PTPRD: variants seen among roughly 807,000 people sequenced by gnomAD.
PTPRD encodes the protein protein tyrosine phosphatase receptor type D.
PTPRD carries 34 observed loss-of-function variants against 214.5 expected under a neutral mutation model. The ratio of observed to expected loss-of-function variants is 0.16; its 90% CI spans 0.12 to 0.21. The LOEUF is 0.21. Ranked by LOEUF, PTPRD falls within the 10% of genes least tolerant of loss-of-function variation. The pLI is 1.00. For missense variants in PTPRD, 2,545 were observed against 2,398.7 expected (o/e 1.06, Z -1.27); for synonymous variants, 1,128 against 845.7 (o/e 1.33, Z -5.79).
intron 3 of PTPRD, among the ~76,000 whole-genome samples, chr9:10,155,992 A>AT (rs1052768693): frequency 1.7e-4 from 25 of 150,310 alleles, no homozygotes; most frequent in Non-Finnish European, 2.8e-4. Flanking sequence ...TTTCTCCTCA[A>AT]TTTTTTTTGG....
intron 5 of PTPRD, among the ~76,000 whole-genome samples, chr9:9,830,010 A>G (rs1477475449): frequency 6.6e-6 from 1 of 151,826 alleles, no homozygotes; most frequent in Admixed American, 6.6e-5. Context: ...GAAGGTTAAT[A>G]GTTCCATGTG....
chr9:9,947,542 A>C (rs181192623), intron 4 of PTPRD, among the ~76,000 whole-genome samples: 12 of 20,376 alleles, frequency 5.9e-4, no homozygotes, highest in Admixed American at 2.1e-3. Flanking sequence ...TTTATATATA[A>C]TATATATATT....
At chr9:8,794,123 AT>A (rs752470385) in intron 11 of PTPRD, among the ~76,000 whole-genome samples, 30 of 150,832 alleles carry the variant, frequency 2.0e-4, no homozygotes, top group Middle Eastern at 3.4e-3. Flanking sequence ...GCAGCAATGC[AT>A]TTTTTCCCCC....
At chr9:9,440,063 T>C (rs1019534742) in intron 8 of PTPRD, among the ~76,000 whole-genome samples, 1 of 152,182 alleles carries the variant, frequency 6.6e-6, no homozygotes, top group East Asian at 1.9e-4. Flanking sequence ...ACCATAAAAA[T>C]TCCTTCAACT....
At chr9:10,251,560 A>G (rs1304901686) in intron 3 of PTPRD, among the ~76,000 whole-genome samples, 1 of 152,204 alleles carries the variant, frequency 6.6e-6, no homozygotes, top group Admixed American at 6.5e-5. Context: ...ACATTATATG[A>G]ATGAGCTTGT....
intron 7 of PTPRD, among the ~76,000 whole-genome samples, chr9:9,715,796 A>G (rs1426634122): frequency 6.6e-6 from 1 of 152,222 alleles, no homozygotes; most frequent in Non-Finnish European, 1.5e-5. Context: ...CACAGAATAT[A>G]TAATTCTAAC....
chr9:10,071,556 T>C (rs959277906), intron 3 of PTPRD, among the ~76,000 whole-genome samples: 6 of 152,044 alleles, frequency 3.9e-5, no homozygotes, highest in African/African-American at 1.4e-4. Context: ...GAAATGTGTA[T>C]GTCTATATGC....
chr9:9,858,688 AT>A (rs2062038984), intron 5 of PTPRD, among the ~76,000 whole-genome samples: 1 of 152,106 alleles, frequency 6.6e-6, no homozygotes, highest in African/African-American at 2.4e-5. Context: ...AAAATTAAGA[AT>A]GATATAATGA....
chr9:9,007,338 G>T lies in PTPRD; in HGVS notation c.-104+11359C>A, dbSNP rs2099479628. ...AACTGGTAGCCCAAAGATGGCTAAGGGTGACAAGAGGAACAAGGAGGGTGT... is the reference window on the plus strand; with the variant it reads ...AACTGGTAGCCCAAAGATGGCTAAGTGTGACAAGAGGAACAAGGAGGGTGT... On this transcript the variant is annotated intron_variant, in intron 11 of 45. Coordinates refer to ENST00000381196, the MANE Select transcript of PTPRD (RefSeq NM_002839.4). Among the ~76,000 whole-genome samples, 3 of 148,174 alleles carry T rather than the reference G, an allele frequency of 2.0e-5. No homozygotes were observed. The South Asian group carries it at 6.5e-4, about 32-fold the overall frequency.
At chr9:8,719,645 G>A (rs1183204297) in intron 12 of PTPRD, among the ~76,000 whole-genome samples, 1 of 152,004 alleles carries the variant, frequency 6.6e-6, no homozygotes, top group Non-Finnish European at 1.5e-5. Context: ...ATTTTGTATT[G>A]GCTGTGGCTA....
intron 12 of PTPRD, among the ~76,000 whole-genome samples, chr9:8,652,463 T>A (rs567072690): frequency 6.6e-6 from 1 of 152,310 alleles, no homozygotes; most frequent in African/African-American, 2.4e-5. Context: ...CCTGCTATCC[T>A]TAGAACACAT....
chr9:9,771,346 T>C (rs935042915), intron 5 of PTPRD, among the ~76,000 whole-genome samples: 1 of 152,186 alleles, frequency 6.6e-6, no homozygotes, highest in Non-Finnish European at 1.5e-5. Context: ...AAAAACATAT[T>C]TCCAAACCTA....
At chr9:9,143,594 A>G (rs2099863768) in intron 10 of PTPRD, among the ~76,000 whole-genome samples, 1 of 152,230 alleles carries the variant, frequency 6.6e-6, no homozygotes. Flanking sequence ...GGCATAATTA[A>G]CAGTCACAGG....
chr9:9,347,605 A>G (rs1383479787), intron 9 of PTPRD, among the ~76,000 whole-genome samples: 1 of 152,110 alleles, frequency 6.6e-6, no homozygotes, highest in African/African-American at 2.4e-5. Flanking sequence ...AAACAAGGCA[A>G]TATCCATGCA....
chr9:8,637,053 C>T (rs570953442), intron 12 of PTPRD, among the ~76,000 whole-genome samples: 1 of 152,238 alleles, frequency 6.6e-6, no homozygotes, highest in East Asian at 1.9e-4. Context: ...GTTAAGTTAT[C>T]TATTAGTGCT....
intron 3 of PTPRD, among the ~76,000 whole-genome samples, chr9:10,095,156 C>T (rs2098470794): frequency 6.6e-6 from 1 of 151,366 alleles, no homozygotes; most frequent in Admixed American, 6.6e-5. Flanking sequence ...TATGAAGTCT[C>T]ACAATGATAC....
rs574393018 is a variant in PTPRD, at chr9:10,042,065, CT to C, written c.-544-8276del. Reference sequence around the variant, plus strand: ...ATGAATAATGTTAAGAAATAGGGCACTGCCCCTGTGGGAACACAGCAGCAGA... The same window carrying C: ...ATGAATAATGTTAAGAAATAGGGCACGCCCCTGTGGGAACACAGCAGCAGA... On this transcript the variant is annotated intron_variant, in intron 3 of 45. Coordinates refer to ENST00000381196, the MANE Select transcript of PTPRD (RefSeq NM_002839.4). Among the ~76,000 whole-genome samples the C allele has an allele frequency of 4.0e-3, 608 of 152,144 alleles. 7 individuals carry two copies. The highest frequency in any genetic ancestry group is 0.014 in the African/African-American group (579 of 41,550).
At chr9:9,578,991 TG>T (rs1431595026) in intron 7 of PTPRD, among the ~76,000 whole-genome samples, 2 of 152,154 alleles carry the variant, frequency 1.3e-5, no homozygotes, top group Non-Finnish European at 2.9e-5. Flanking sequence ...TAGATAAAAC[TG>T]AGCTATAAGT....
At chr9:10,260,929 T>G (rs2093648158) in intron 3 of PTPRD, among the ~76,000 whole-genome samples, 1 of 151,056 alleles carries the variant, frequency 6.6e-6, no homozygotes, top group Non-Finnish European at 1.5e-5. Context: ...TCAAGGGAAT[T>G]ATATTATTTA....
Sources: allele counts gnomAD v4.1 joint callset (sites outside exome capture counted in the v4.1 genomes callset), GRCh38; gene constraint gnomAD v4.1.1; transcripts MANE v1.5; gene names NCBI Gene and HGNC (gene_info 2026-07-23, HGNC 2026-07-21).